FOXP1: variants seen among roughly 807,000 people sequenced by gnomAD.
FOXP1 encodes the protein forkhead box P1.
A neutral mutation model predicts 98.2 loss-of-function variants in FOXP1; 15 were observed. The ratio of observed to expected loss-of-function variants is 0.15; its 90% CI spans 0.10 to 0.24. The LOEUF (loss-of-function observed/expected upper bound fraction) is 0.24, where lower values mean the gene tolerates loss of function less well. FOXP1 is among the 10% of genes least tolerant of loss of function. The pLI is 1.00. For synonymous variants in FOXP1, 371 were observed against 314.5 expected, an observed-to-expected ratio of 1.18 and a Z score of -1.90; for missense variants, 633 against 848.5, an observed-to-expected ratio of 0.75 and a Z score of 3.15.
At chr3:71,009,186 T>C (rs2043219055) in intron 12 of FOXP1, among the ~76,000 whole-genome samples, 1 of 119,156 alleles carries the variant, frequency 8.4e-6, no homozygotes, top group South Asian at 3.1e-4. Flanking sequence ...CACACGTGGA[T>C]ATCTCCCCTC....
chr3:71,459,931 C>CGG (rs1334419290), intron 3 of FOXP1, among the ~76,000 whole-genome samples: 1 of 137,028 alleles, frequency 7.3e-6, no homozygotes, highest in Non-Finnish European at 1.6e-5. Context: ...GCCCCATCTT[C>CGG]TTTTTTTTTT....
chr3:71,224,138 T>C (rs1196306837), intron 5 of FOXP1, among the ~76,000 whole-genome samples: 2 of 152,218 alleles, frequency 1.3e-5, no homozygotes, highest in Non-Finnish European at 1.5e-5. Context: ...GGTGAGGATA[T>C]AGCAGAGGCT....
intron 3 of FOXP1, among the ~76,000 whole-genome samples, chr3:71,486,027 A>C (rs755948516): frequency 9.2e-5 from 14 of 152,224 alleles, no homozygotes; most frequent in Non-Finnish European, 1.3e-4. Context: ...TGCCTAAATC[A>C]AAAAGACCTT....
rs538299487 is a variant in FOXP1, at chr3:71,326,093, T to C, written c.-72-26213A>G. On this transcript the variant is annotated intron_variant, in intron 4 of 20. Coordinates refer to ENST00000649528, the MANE Select transcript of FOXP1 (RefSeq NM_001349338.3). ...AGTAGAAAAAAAAAGCCACCAAATT[T>C]CTCTTTTCGTTATACCATTTTTTAC... 2.0e-5 allele frequency among the ~76,000 whole-genome samples: 3 copies of C among 152,276 alleles called. No individual in the cohort carries two copies. The East Asian group carries it at 5.8e-4, about 29-fold the overall frequency.
intron 2 of FOXP1, among the ~76,000 whole-genome samples, chr3:71,513,982 C>A (rs148631565): frequency 5.0e-4 from 76 of 152,362 alleles, no homozygotes; most frequent in African/African-American, 1.7e-3. Flanking sequence ...AATCCTCAAA[C>A]TTTGCTCCAA....
chr3:71,119,668 A>G (rs1478708354), intron 6 of FOXP1, among the ~76,000 whole-genome samples: 1 of 152,236 alleles, frequency 6.6e-6, no homozygotes, highest in Non-Finnish European at 1.5e-5. Flanking sequence ...AGCAGTGATC[A>G]TTTAACACAA....
intron 3 of FOXP1, among the ~76,000 whole-genome samples, chr3:71,399,581 G>A (rs1194014397): frequency 2.6e-5 from 4 of 152,104 alleles, no homozygotes; most frequent in Admixed American, 2.0e-4. Context: ...TCACCCAGAC[G>A]GAAGCACTAC....
At chr3:71,580,341 C>A (rs750626053) in intron 2 of FOXP1, among the ~76,000 whole-genome samples, 8 of 151,374 alleles carry the variant, frequency 5.3e-5, no homozygotes, top group Non-Finnish European at 1.0e-4. Context: ...TAGTTGAGTT[C>A]CTTTTTTATA....
chr3:71,273,943 C>G lies in FOXP1; in HGVS notation c.-12+25877G>C, dbSNP rs115751797. ...TCAAATTGTCTGCTCATGCTCTTCT[C>G]AGACTGGAATGGCTTCACCCAATCC... On this transcript the variant is annotated intron_variant, in intron 5 of 20. Coordinates refer to ENST00000649528, the MANE Select transcript of FOXP1 (RefSeq NM_001349338.3). 3.5e-3 allele frequency among the ~76,000 whole-genome samples: 533 copies of G among 152,320 alleles called. 3 individuals are homozygous for G. The highest frequency in any genetic ancestry group is 3.5e-3 in the Non-Finnish European group (238 of 68,030).
At chr3:71,276,621 T>A (rs1048751897) in intron 5 of FOXP1, among the ~76,000 whole-genome samples, 1 of 152,182 alleles carries the variant, frequency 6.6e-6, no homozygotes, top group Non-Finnish European at 1.5e-5. Context: ...TTTTATTTTT[T>A]AATTAACAAA....
At chr3:70,967,127 T>C (rs372264643) in intron 19 of FOXP1, among the ~76,000 whole-genome samples, 4 of 152,170 alleles carry the variant, frequency 2.6e-5, no homozygotes, top group East Asian at 3.8e-4. Context: ...AAAAGTACAT[T>C]AGATGTACTT....
chr3:71,371,729 C>T (rs999253657), intron 3 of FOXP1, among the ~76,000 whole-genome samples: 1 of 152,156 alleles, frequency 6.6e-6, no homozygotes, highest in Non-Finnish European at 1.5e-5. Context: ...TTTGAGGCTG[C>T]GGGGAGCTAC....
intron 6 of FOXP1, among the ~76,000 whole-genome samples, chr3:71,186,392 G>A (rs1209023513): frequency 6.6e-6 from 1 of 152,200 alleles, no homozygotes; most frequent in Non-Finnish European, 1.5e-5. Flanking sequence ...TGCCACTCCA[G>A]AAATTGTGAA....
chr3:71,436,682 G>A (rs201474603), intron 3 of FOXP1, among the ~76,000 whole-genome samples: 8 of 151,974 alleles, frequency 5.3e-5, no homozygotes, highest in East Asian at 3.9e-4. Flanking sequence ...GCACTGAACC[G>A]ACTGTAGTCA....
chr3:71,236,498 T>C (rs765664547), intron 5 of FOXP1, among the ~76,000 whole-genome samples: 3 of 152,200 alleles, frequency 2.0e-5, no homozygotes, highest in Non-Finnish European at 4.4e-5. Context: ...TAGAGCTTCA[T>C]TGTCCCACAG....
At chr3:71,118,012 C>A (rs1175601275) in intron 6 of FOXP1, among the ~76,000 whole-genome samples, 8 of 152,164 alleles carry the variant, frequency 5.3e-5, no homozygotes, top group Admixed American at 2.6e-4. Context: ...TGGTGGCAGG[C>A]ACGCATCACT....
chr3:71,381,380 C>T (rs558053921), intron 3 of FOXP1, among the ~76,000 whole-genome samples: 52 of 151,436 alleles, frequency 3.4e-4, no homozygotes, highest in Admixed American at 1.3e-3. Context: ...CCTCGTGATC[C>T]GCCCTCCTCG....
chr3:71,124,377 A>C (rs2059006416), intron 6 of FOXP1, among the ~76,000 whole-genome samples: 1 of 151,900 alleles, frequency 6.6e-6, no homozygotes, highest in Admixed American at 6.6e-5. Context: ...CAATTCTTGG[A>C]AAAAAGAATA....
At chr3:71,455,635 C>T (rs918642733) in intron 3 of FOXP1, among the ~76,000 whole-genome samples, 1 of 152,080 alleles carries the variant, frequency 6.6e-6, no homozygotes, top group South Asian at 2.1e-4. Context: ...CTTCTGGGTA[C>T]CTCTCCCACG....
Sources: allele counts gnomAD v4.1 joint callset (sites outside exome capture counted in the v4.1 genomes callset), GRCh38; gene constraint gnomAD v4.1.1; transcripts MANE v1.5; gene names NCBI Gene and HGNC (gene_info 2026-07-23, HGNC 2026-07-21).